Variants in TMEM178B observed in about 807,000 individuals in gnomAD.
The protein encoded by TMEM178B is transmembrane protein 178B.
In TMEM178B, 5 loss-of-function variants were observed where a neutral mutation model predicts 31.0. That is an observed-to-expected ratio of 0.16 (90% CI 0.08 to 0.34). The LOEUF (loss-of-function observed/expected upper bound fraction) is 0.34. Among genes scored for constraint, TMEM178B ranks in the 10% least tolerant of loss-of-function variants. TMEM178B has a pLI of 1.00. For missense variants in TMEM178B, 275 were observed against 400.3 expected, an observed-to-expected ratio of 0.69 and a Z score of 2.67; for synonymous variants, 164 against 164.0, an observed-to-expected ratio of 1.00 and a Z score of 0.00.
chr7:141,453,517 C>G (rs1416463182), intron 3 of TMEM178B, among the ~76,000 whole-genome samples: 3 of 152,236 alleles, frequency 2.0e-5, no homozygotes, highest in Non-Finnish European at 4.4e-5. Context: ...CAAATAGTAA[C>G]TTGTATGGTC....
chr7:141,195,597 T>A (rs1233081298), intron 1 of TMEM178B, among the ~76,000 whole-genome samples: 1 of 152,202 alleles, frequency 6.6e-6, no homozygotes, highest in Non-Finnish European at 1.5e-5. Flanking sequence ...TTTTCCTGTC[T>A]TCTTCTGAGC....
At chr7:141,466,455 A>G (rs1249103679) in intron 3 of TMEM178B, among the ~76,000 whole-genome samples, 1 of 152,190 alleles carries the variant, frequency 6.6e-6, no homozygotes, top group Non-Finnish European at 1.5e-5. Flanking sequence ...GGAATATGCC[A>G]TGAGAATCAT....
intron 2 of TMEM178B, among the ~76,000 whole-genome samples, chr7:141,420,130 A>G (rs1242354148): frequency 1.3e-5 from 2 of 152,004 alleles, no homozygotes. Context: ...ACTCTCCTAC[A>G]TCTACTTCAT....
rs997122521 is a variant in TMEM178B, at chr7:141,470,855, A to T, written c.*69A>T. On this transcript the variant is annotated 3_prime_UTR_variant, in exon 4 of 4. Coordinates refer to ENST00000565468, the MANE Select transcript of TMEM178B (RefSeq NM_001195278.2). ...ATAATATACATATATAAAACAAAAC[A>T]AAACTAAATCAAGACGATGCCAGTG... The T allele has an allele frequency of 2.0e-5, 18 of 915,278 alleles. No individual in the cohort carries two copies. The highest frequency in any genetic ancestry group is 1.1e-4 in the East Asian group (2 of 18,076). 56.7% of individuals were successfully genotyped at this position (915,278 alleles called of 1,614,324 possible).
intron 2 of TMEM178B, among the ~76,000 whole-genome samples, chr7:141,234,132 A>G (rs893242441): frequency 2.6e-5 from 4 of 152,180 alleles, no homozygotes; most frequent in African/African-American, 9.6e-5. Context: ...TTATATGTAA[A>G]GTCTGTGACA....
chr7:141,419,038 G>T (rs1318186973), intron 2 of TMEM178B, among the ~76,000 whole-genome samples: 1 of 152,126 alleles, frequency 6.6e-6, no homozygotes, highest in African/African-American at 2.4e-5. Flanking sequence ...CTACCGAATA[G>T]CTGGGATTAC....
intron 2 of TMEM178B, among the ~76,000 whole-genome samples, chr7:141,284,913 A>G (rs1359793722): frequency 6.6e-6 from 1 of 152,110 alleles, no homozygotes; most frequent in African/African-American, 2.4e-5. Context: ...AAGGTTGAGA[A>G]TAGTTCAGAG....
chr7:141,298,850 G>A (rs1239834781), intron 2 of TMEM178B, among the ~76,000 whole-genome samples: 1 of 152,174 alleles, frequency 6.6e-6, no homozygotes, highest in Admixed American at 6.5e-5. Flanking sequence ...GGTAAAGAAG[G>A]TCAGTTAGAG....
chr7:141,320,742 A>G (rs1159278753), intron 2 of TMEM178B, among the ~76,000 whole-genome samples: 1 of 152,218 alleles, frequency 6.6e-6, no homozygotes, highest in Non-Finnish European at 1.5e-5. Flanking sequence ...ATCCTATGAT[A>G]GAGGTATTAT....
At chr7:141,465,106 G>A (rs187506775) in intron 3 of TMEM178B, among the ~76,000 whole-genome samples, 3 of 152,274 alleles carry the variant, frequency 2.0e-5, no homozygotes, top group Non-Finnish European at 4.4e-5. Flanking sequence ...ATACAATGAA[G>A]ACTTAGCCCC....
At chr7:141,429,341 T>C (rs796548004) in intron 2 of TMEM178B, among the ~76,000 whole-genome samples, 105 of 109,288 alleles carry the variant, frequency 9.6e-4, no homozygotes, top group Middle Eastern at 5.4e-3. Context: ...ACACACACAC[T>C]CATACAATAG....
At chr7:141,129,624 T>C (rs1317648214) in intron 1 of TMEM178B, among the ~76,000 whole-genome samples, 1 of 152,186 alleles carries the variant, frequency 6.6e-6, no homozygotes, top group African/African-American at 2.4e-5. Flanking sequence ...ATATTGTTGA[T>C]GAAAAGAGTC....
At chr7:141,397,499 A>G (rs1345805761) in intron 2 of TMEM178B, among the ~76,000 whole-genome samples, 8 of 152,180 alleles carry the variant, frequency 5.3e-5, no homozygotes, top group Non-Finnish European at 8.8e-5. Context: ...TCTCCATAGT[A>G]GGTGACTTGG....
intron 2 of TMEM178B, among the ~76,000 whole-genome samples, chr7:141,222,129 ACCT>A (rs1797267624): frequency 6.6e-6 from 1 of 152,102 alleles, no homozygotes; most frequent in Non-Finnish European, 1.5e-5. Context: ...GGGAAGCAGG[ACCT>A]GTATTTGTGT....
intron 2 of TMEM178B, among the ~76,000 whole-genome samples, chr7:141,393,713 T>C (rs1800587236): frequency 6.6e-6 from 1 of 152,194 alleles, no homozygotes; most frequent in African/African-American, 2.4e-5. Context: ...GCAACTTTAT[T>C]CCTCCTGGTT....
In TMEM178B at chr7:141,283,192, T is replaced by C. The variant is rs1481443668; in HGVS notation, c.496+70488T>C. 2.0e-5 allele frequency among the ~76,000 whole-genome samples: 3 copies of C among 152,210 alleles called. No homozygotes were observed. In the East Asian group the frequency reaches 5.8e-4, roughly 29 times the overall value. On this transcript the variant is annotated intron_variant, in intron 2 of 3. Transcript: ENST00000565468. ...TTTCCCAAATGCACTGGCTCTCAGC[T>C]TATTTGTCAGCAAAGGGAGGTTGGT...
At chr7:141,288,033 T>C (rs1798476307) in intron 2 of TMEM178B, among the ~76,000 whole-genome samples, 1 of 152,214 alleles carries the variant, frequency 6.6e-6, no homozygotes, top group Admixed American at 6.5e-5. Flanking sequence ...TCTAGCACTT[T>C]TTGAGCCTGC....
chr7:141,465,049 T>A (rs1388037511), intron 3 of TMEM178B, among the ~76,000 whole-genome samples: 1 of 152,260 alleles, frequency 6.6e-6, no homozygotes, highest in Admixed American at 6.5e-5. Context: ...TACTATTTAT[T>A]CTAGTTCTTG....
At chr7:141,253,544 C>CTTTTTTTTTTTTTTTTTTTT (rs34199017) in intron 2 of TMEM178B, among the ~76,000 whole-genome samples, 1 of 70,032 alleles carries the variant, frequency 1.4e-5, no homozygotes. Context: ...ATTTTCCCTT[C>CTTTTTTTTTTTTTTTTTTTT]TTTTTTTTTT....
Sources: gnomAD v4.1 joint callset for allele counts (sites outside exome capture counted in the v4.1 genomes callset) on GRCh38, gnomAD v4.1.1 for gene constraint, MANE v1.5 for transcripts, NCBI Gene and HGNC (gene_info 2026-07-23, HGNC 2026-07-21) for gene names.